Variants in SLC24A3 observed in about 807,000 individuals in gnomAD.
The protein encoded by SLC24A3 is solute carrier family 24 member 3.
SLC24A3 carries 28 observed loss-of-function variants against 75.8 expected under a neutral mutation model. The ratio of observed to expected loss-of-function variants is 0.37; its 90% CI spans 0.27 to 0.51. The LOEUF is 0.51. Ranked by LOEUF, SLC24A3 falls within the 20% of genes least tolerant of loss-of-function variation. SLC24A3 has a pLI of 0.94. For synonymous variants in SLC24A3, 372 were observed against 334.1 expected (o/e 1.11, Z -1.24); for missense variants, 663 against 847.8 (o/e 0.78, Z 2.71).
intron 2 of SLC24A3, among the ~76,000 whole-genome samples, chr20:19,377,680 G>A (rs1986108606): frequency 6.6e-6 from 1 of 152,202 alleles, no homozygotes; most frequent in Non-Finnish European, 1.5e-5. Flanking sequence ...AATGTGAAAA[G>A]ATCTTCCCAT....
intron 2 of SLC24A3, among the ~76,000 whole-genome samples, chr20:19,386,843 A>G (rs1986280896): frequency 1.3e-5 from 2 of 152,154 alleles, no homozygotes; most frequent in African/African-American, 4.8e-5. Context: ...TTTTGCATCT[A>G]TGCTCATCAG....
intron 6 of SLC24A3, among the ~76,000 whole-genome samples, chr20:19,590,826 C>T (rs1231164705): frequency 6.6e-6 from 1 of 152,220 alleles, no homozygotes; most frequent in Admixed American, 6.5e-5. Context: ...CCAACTGAAT[C>T]AGAAGAGCAG....
chr20:19,587,025 G>A (rs2031307621), intron 6 of SLC24A3, among the ~76,000 whole-genome samples: 1 of 152,104 alleles, frequency 6.6e-6, no homozygotes, highest in Non-Finnish European at 1.5e-5. Context: ...GCTCTCCTTT[G>A]CCTTGGACAC....
chr20:19,433,318 T>C (rs1987136144), intron 2 of SLC24A3, among the ~76,000 whole-genome samples: 1 of 152,236 alleles, frequency 6.6e-6, no homozygotes, highest in Admixed American at 6.5e-5. Context: ...CACAAACTAA[T>C]GAGCTTACAA....
chr20:19,642,352 C>T (rs1010206496), intron 6 of SLC24A3, among the ~76,000 whole-genome samples: 8 of 152,182 alleles, frequency 5.3e-5, no homozygotes, highest in Admixed American at 4.6e-4. Flanking sequence ...CGTTTTTGCA[C>T]GGATTCTTAC....
At chr20:19,309,153 A>C (rs1984400128) in intron 2 of SLC24A3, among the ~76,000 whole-genome samples, 1 of 152,206 alleles carries the variant, frequency 6.6e-6, no homozygotes, top group Non-Finnish European at 1.5e-5. Flanking sequence ...TCACACCCTC[A>C]GATCTTCTAA....
At chr20:19,254,790 C>T (rs1269218573) in intron 1 of SLC24A3, among the ~76,000 whole-genome samples, 5 of 152,066 alleles carry the variant, frequency 3.3e-5, no homozygotes, top group Non-Finnish European at 7.4e-5. Context: ...TCCTGGAGTT[C>T]CAGGTTTCTC....
intron 1 of SLC24A3, among the ~76,000 whole-genome samples, chr20:19,218,423 C>G (rs1328989839): frequency 6.6e-6 from 1 of 152,196 alleles, no homozygotes; most frequent in African/African-American, 2.4e-5. Flanking sequence ...GGGCTGCATG[C>G]TGCTGCGTTT....
chr20:19,690,100 T>C (rs1035995675), intron 12 of SLC24A3, among the ~76,000 whole-genome samples: 4 of 152,012 alleles, frequency 2.6e-5, no homozygotes, highest in African/African-American at 7.2e-5. Context: ...TTGACTGCCT[T>C]TGTTCCTCAA....
intron 1 of SLC24A3, among the ~76,000 whole-genome samples, chr20:19,266,750 G>A (rs905947451): frequency 2.0e-5 from 3 of 152,182 alleles, no homozygotes; most frequent in Non-Finnish European, 4.4e-5. Context: ...ACAAGTGTTC[G>A]GAGTATATCA....
chr20:19,603,363 C>G (rs1047142494), intron 6 of SLC24A3, among the ~76,000 whole-genome samples: 12 of 152,126 alleles, frequency 7.9e-5, no homozygotes, highest in Non-Finnish European at 1.6e-4. Flanking sequence ...ACTTTGTGTA[C>G]CCTAATTTCT....
chr20:19,654,823 T>C (rs1039408571), intron 7 of SLC24A3, among the ~76,000 whole-genome samples: 4 of 151,724 alleles, frequency 2.6e-5, no homozygotes, highest in African/African-American at 9.7e-5. Flanking sequence ...AATTTTTGTA[T>C]TTTAGTAGAG....
In SLC24A3 at chr20:19,721,798, G is replaced by A. The variant is rs11697274; in HGVS notation, c.*658G>A. 3.8e-3 allele frequency: 584 copies of A among 152,846 alleles called. 3 individuals are homozygous for A. The highest frequency in any genetic ancestry group is 7.3e-3 in the Admixed American group (111 of 15,302). 9.5% of individuals were successfully genotyped at this position (152,846 alleles called of 1,614,324 possible). The stretch of plus-strand genomic sequence containing the variant: ...GTGTTGGAGTATGCATGGATGTAGT[G>A]CTTTTTAGAGGAGCCACTGGGCAAG... On this transcript the variant is annotated 3_prime_UTR_variant, in exon 17 of 17. Coordinates refer to ENST00000328041, the MANE Select transcript of SLC24A3 (RefSeq NM_020689.4).
At chr20:19,566,091 G>A (rs751209500) in intron 3 of SLC24A3, among the ~76,000 whole-genome samples, 1 of 152,136 alleles carries the variant, frequency 6.6e-6, no homozygotes, top group South Asian at 2.1e-4. Flanking sequence ...TACTGCTCTG[G>A]AACTAAGGAT....
At chr20:19,623,721 GCTGCTCTAGAAACTA>G (rs1332173350) in intron 6 of SLC24A3, among the ~76,000 whole-genome samples, 1 of 152,202 alleles carries the variant, frequency 6.6e-6, no homozygotes, top group African/African-American at 2.4e-5. Flanking sequence ...CTATTGAGCA[GCTGCTCTAGAAACTA>G]ATCACATACA....
intron 2 of SLC24A3, among the ~76,000 whole-genome samples, chr20:19,357,989 T>A (rs571639983): frequency 2.8e-4 from 42 of 152,344 alleles, no homozygotes; most frequent in African/African-American, 7.7e-4. Context: ...CACTTACCAT[T>A]TACCACTTTT....
rs555551103 is a variant in SLC24A3 at position 19,462,179 on chromosome 20, G to C, written c.272-53309G>C. Among the ~76,000 whole-genome samples, 4 of 152,236 alleles carry C rather than the reference G, an allele frequency of 2.6e-5. No homozygotes were observed. The East Asian group carries it at 5.8e-4, about 22-fold the overall frequency. On this transcript the variant is annotated intron_variant, in intron 2 of 16. Transcript: ENST00000328041. Reference sequence around the variant, plus strand: ...TTCTCAAACTGTAGTTCCCCTCAGAGCCCCCTGGAGGGACTAGGAAACCCA... The same window carrying C: ...TTCTCAAACTGTAGTTCCCCTCAGACCCCCCTGGAGGGACTAGGAAACCCA...
chr20:19,576,417 A>G (rs2031135593), intron 3 of SLC24A3, among the ~76,000 whole-genome samples: 1 of 152,056 alleles, frequency 6.6e-6, no homozygotes, highest in East Asian at 1.9e-4. Context: ...CCTGTTTTCC[A>G]GTGAGTAACA....
chr20:19,410,822 CAT>C (rs1986730974), intron 2 of SLC24A3, among the ~76,000 whole-genome samples: 6 of 152,170 alleles, frequency 3.9e-5, no homozygotes, highest in Admixed American at 3.9e-4. Flanking sequence ...TCTCTACAAA[CAT>C]GTATTGAACA....
Sources: gnomAD v4.1 joint callset for allele counts (sites outside exome capture counted in the v4.1 genomes callset) on GRCh38, gnomAD v4.1.1 for gene constraint, MANE v1.5 for transcripts, NCBI Gene and HGNC (gene_info 2026-07-23, HGNC 2026-07-21) for gene names.